The following YTHDF3 variants were observed in gnomAD, a reference collection of about 807,000 sequenced individuals.
The protein encoded by YTHDF3 is YTH N6-methyladenosine RNA binding protein F3.
A neutral mutation model predicts 52.5 loss-of-function variants in YTHDF3; 9 were observed. That is an observed-to-expected ratio of 0.17 (90% CI 0.10 to 0.30). The LOEUF is 0.30. YTHDF3 is among the 10% of genes least tolerant of loss of function. The probability of loss-of-function intolerance (pLI) is 1.00; values close to 1 mark genes in which losing one functional copy is unlikely to be tolerated. For missense variants in YTHDF3, 534 were observed against 715.0 expected, an observed-to-expected ratio of 0.75 and a Z score of 2.89; for synonymous variants, 274 against 243.3, an observed-to-expected ratio of 1.13 and a Z score of -1.18.
intron 3 of YTHDF3, among the ~76,000 whole-genome samples, chr8:63,185,415 C>G (rs1029793864): frequency 6.6e-6 from 1 of 151,488 alleles, no homozygotes; most frequent in Non-Finnish European, 1.5e-5. Context: ...AAAAAAAACC[C>G]AAACCTGTTC....
intron 3 of YTHDF3, among the ~76,000 whole-genome samples, chr8:63,181,477 T>C (rs1563397890): frequency 6.6e-6 from 1 of 152,352 alleles, no homozygotes; most frequent in East Asian, 1.9e-4. Flanking sequence ...AAAATAGAAC[T>C]TACCATTATT....
chr8:63,176,819 A>T (rs1040019772), intron 3 of YTHDF3, among the ~76,000 whole-genome samples: 2 of 152,044 alleles, frequency 1.3e-5, no homozygotes, highest in African/African-American at 4.8e-5. Context: ...CTGGGATTAC[A>T]GGCACATGCC....
chr8:63,177,565 T>A (rs1223236897), intron 3 of YTHDF3, among the ~76,000 whole-genome samples: 1 of 152,158 alleles, frequency 6.6e-6, no homozygotes, highest in Non-Finnish European at 1.5e-5. Context: ...TGCTGAGAAA[T>A]CTTAATATTA....
In YTHDF3 at chr8:63,169,368, C is replaced by T. The variant is rs779150252; in HGVS notation, c.25-19C>T. ...TTCCTTTTTCTCCTCTTTACCGCAT[C>T]TTTCGTCTTGCAACACAGAGACCTA... On this transcript the variant is annotated intron_variant, in intron 1 of 4. Coordinates refer to ENST00000539294, the MANE Select transcript of YTHDF3 (RefSeq NM_152758.6). The T allele has an allele frequency of 2.5e-6, 4 of 1,599,164 alleles. No homozygotes were observed. The highest frequency in any genetic ancestry group is 1.7e-6 in the Non-Finnish European group (2 of 1,171,992).
rs367772925 is a variant in YTHDF3 at position 63,187,396 on chromosome 8, A to G, written c.1385A>G (p.Tyr462Cys). ...TCCCTGAATGGGAAAGGCCCACTCT[A>G]TTTACTCTTCAGTGTGAATGGCAGT... ...YRSLNGKGPL[Y>C]LLFSVNGSGH... The change falls in exon 4 of 5, where the codon TAT becomes TGT. Residue 462 changes from tyrosine to cysteine, a missense_variant. By Grantham distance (194) the Tyr-to-Cys change is radical. Transcript: ENST00000539294. 1.3e-5 allele frequency: 21 copies of G among 1,613,780 alleles called. No individual in the cohort carries two copies. Among genetic ancestry groups the G allele is most frequent in the South Asian group, 2.2e-5 (2 of 91,078 alleles).
At chr8:63,183,118 G>A (rs1808260773) in intron 3 of YTHDF3, among the ~76,000 whole-genome samples, 1 of 151,942 alleles carries the variant, frequency 6.6e-6, no homozygotes, top group East Asian at 1.9e-4. Context: ...ATGCTCCCAT[G>A]GCCAGCTAAT....
At chr8:63,177,711 C>G (rs1043121673) in intron 3 of YTHDF3, among the ~76,000 whole-genome samples, 2 of 150,562 alleles carry the variant, frequency 1.3e-5, no homozygotes, top group Admixed American at 1.3e-4. Flanking sequence ...AAATGAAGTT[C>G]TTAAGATGAA....
intron 2 of YTHDF3, chr8:63,173,825 C>T (rs1225485281): frequency 2.7e-5 from 7 of 258,822 alleles, no homozygotes; most frequent in African/African-American, 1.6e-4. Flanking sequence ...AATCCTAGTT[C>T]TGATGCAGTC....
intron 3 of YTHDF3, among the ~76,000 whole-genome samples, chr8:63,176,195 C>T (rs1377190915): frequency 6.6e-6 from 1 of 152,208 alleles, no homozygotes; most frequent in African/African-American, 2.4e-5. Flanking sequence ...TTAGAGAGAA[C>T]ATTGTGGAAT....
chr8:63,208,858 T>TTG (rs1810203006), intron 4 of YTHDF3, among the ~76,000 whole-genome samples: 2 of 151,812 alleles, frequency 1.3e-5, no homozygotes, highest in African/African-American at 4.8e-5. Flanking sequence ...ACTCATCTTT[T>TTG]TTGTTGTTGT....
At chr8:63,171,527 C>A (rs1022009092) in intron 2 of YTHDF3, among the ~76,000 whole-genome samples, 2 of 152,116 alleles carry the variant, frequency 1.3e-5, no homozygotes, top group African/African-American at 2.4e-5. Context: ...GCTACAAGTG[C>A]ACAAATAACA....
At chr8:63,170,102 C>G (rs191665755) in intron 2 of YTHDF3, among the ~76,000 whole-genome samples, 1 of 152,170 alleles carries the variant, frequency 6.6e-6, no homozygotes, top group Admixed American at 6.5e-5. Flanking sequence ...ACAGTGCAGT[C>G]AGCTGACTGA....
chr8:63,202,957 G>A (rs574149392), intron 4 of YTHDF3, among the ~76,000 whole-genome samples: 32 of 152,108 alleles, frequency 2.1e-4, no homozygotes, highest in African/African-American at 7.2e-4. Flanking sequence ...TTAAAATACA[G>A]TCTGCTGGGC....
chr8:63,208,685 T>C (rs1181396805), intron 4 of YTHDF3, among the ~76,000 whole-genome samples: 3 of 152,232 alleles, frequency 2.0e-5, no homozygotes, highest in African/African-American at 7.2e-5. Flanking sequence ...ACAATGCTAG[T>C]CATTTTTTTC....
chr8:63,176,516 A>G (rs952050927), intron 3 of YTHDF3, among the ~76,000 whole-genome samples: 1 of 151,970 alleles, frequency 6.6e-6, no homozygotes, highest in African/African-American at 2.4e-5. Flanking sequence ...TCCTGACCTC[A>G]TGATCCGCCC....
intron 4 of YTHDF3, among the ~76,000 whole-genome samples, chr8:63,194,872 T>G (rs564286887): frequency 3.5e-4 from 54 of 152,356 alleles, no homozygotes; most frequent in African/African-American, 1.2e-3. Context: ...AAAATTTACA[T>G]TGAGGTCTAT....
rs368150163 is a variant in YTHDF3, at chr8:63,187,191, G to T, written c.1180G>T (p.Val394Leu). The part of the protein sequence containing the change: ...ASPSSVEVHP[V>L]LEKLKAINNY... ...ACCTTCTAGTGTAGAAGTGCATCCC[G>T]TGCTGGAAAAGCTAAAGGCCATAAA... is the stretch of plus-strand genomic sequence containing the variant. Residue 394 changes from valine (V) to leucine (L), a missense_variant, in exon 4 of 5, where the codon GTG becomes TTG. By Grantham distance (32) the Val-to-Leu change is conservative. This residue lies in a region of YTHDF3 where 203 missense variants were observed against 201.3 expected (regional missense o/e 1.01). Coordinates refer to ENST00000539294, the MANE Select transcript of YTHDF3 (RefSeq NM_152758.6). 1 of 1,613,982 alleles carries T rather than the reference G, an allele frequency of 6.2e-7. No individual in the cohort carries two copies. The highest frequency in any genetic ancestry group is 8.5e-7 in the Non-Finnish European group (1 of 1,179,892).
At chr8:63,179,473 G>T (rs969921840) in intron 3 of YTHDF3, among the ~76,000 whole-genome samples, 1 of 152,110 alleles carries the variant, frequency 6.6e-6, no homozygotes, top group Non-Finnish European at 1.5e-5. Flanking sequence ...ATCTTGCACC[G>T]CTCTTAATCC....
At chr8:63,172,683 C>G (rs1807408641) in intron 2 of YTHDF3, 2 of 966,572 alleles carry the variant, frequency 2.1e-6, no homozygotes, top group African/African-American at 1.7e-5. Flanking sequence ...GATCTGTTGA[C>G]TTTCCTAACT....
Sources: gnomAD v4.1 joint callset for allele counts (sites outside exome capture counted in the v4.1 genomes callset) on GRCh38, gnomAD v4.1.1 for gene constraint, gnomAD v4.1.1 regional missense constraint, MANE v1.5 for transcripts, NCBI Gene and HGNC (gene_info 2026-07-23, HGNC 2026-07-21) for gene names.